The following WDFY1 variants were observed in gnomAD, a reference collection of about 807,000 sequenced individuals.
The protein encoded by WDFY1 is WD repeat and FYVE domain containing 1.
A neutral mutation model predicts 56.4 loss-of-function variants in WDFY1; 32 were observed. That is an observed-to-expected ratio of 0.57 (90% CI 0.43 to 0.76). The LOEUF (loss-of-function observed/expected upper bound fraction) is 0.76. Ranked by LOEUF, WDFY1 falls within the 30% of genes least tolerant of loss-of-function variation. WDFY1 has a pLI of 0.00. For missense variants in WDFY1, 480 were observed against 545.7 expected, an observed-to-expected ratio of 0.88 and a Z score of 1.20; for synonymous variants, 192 against 197.3, an observed-to-expected ratio of 0.97 and a Z score of 0.23.
intron 5 of WDFY1, among the ~76,000 whole-genome samples, chr2:223,899,545 G>A (rs969742137): frequency 1.3e-5 from 2 of 152,192 alleles, no homozygotes; most frequent in African/African-American, 4.8e-5. Flanking sequence ...AGGAGTTCAA[G>A]ACCAACCTGG....
At chr2:223,928,900 A>AG (rs112122194) in intron 1 of WDFY1, among the ~76,000 whole-genome samples, 2,421 of 152,182 alleles carry the variant, frequency 0.016, 67 homozygotes, top group African/African-American at 0.053. Context: ...ATGTTATTGC[A>AG]GGGGGGGTGA....
chr2:223,922,904 G>A (rs1438594138), intron 1 of WDFY1, among the ~76,000 whole-genome samples: 1 of 152,206 alleles, frequency 6.6e-6, no homozygotes, highest in Non-Finnish European at 1.5e-5. Context: ...TTTGAACACA[G>A]TATTACTTCC....
intron 8 of WDFY1, among the ~76,000 whole-genome samples, chr2:223,886,593 A>G (rs1407324168): frequency 1.3e-5 from 2 of 151,780 alleles, no homozygotes; most frequent in East Asian, 3.9e-4. Context: ...GCGTGGTGGC[A>G]CATGCCTATG....
At chr2:223,902,014 C>T (rs1559167318) in intron 4 of WDFY1, among the ~76,000 whole-genome samples, 1 of 152,154 alleles carries the variant, frequency 6.6e-6, no homozygotes, top group African/African-American at 2.4e-5. Context: ...TGTAACCTGC[C>T]TTCAACTTCA....
chr2:223,938,856 A>ATTG (rs1689247597), intron 1 of WDFY1, among the ~76,000 whole-genome samples: 1 of 140,494 alleles, frequency 7.1e-6, no homozygotes, highest in Non-Finnish European at 1.5e-5. Context: ...TGTAAGCAGT[A>ATTG]TTTTTTTTTT....
At chr2:223,910,056 C>T (rs1026492475) in intron 3 of WDFY1, among the ~76,000 whole-genome samples, 2 of 152,186 alleles carry the variant, frequency 1.3e-5, no homozygotes, top group South Asian at 4.1e-4. Context: ...TATAGCCCTG[C>T]ACCATCAAGC....
intron 6 of WDFY1, among the ~76,000 whole-genome samples, chr2:223,897,758 C>T (rs911258020): frequency 3.9e-5 from 6 of 152,036 alleles, no homozygotes; most frequent in African/African-American, 1.4e-4. Context: ...GGATTTCTCA[C>T]GAATGGTTTA....
chr2:223,887,447 C>CTAA (rs1437858216), intron 8 of WDFY1, among the ~76,000 whole-genome samples: 1 of 152,212 alleles, frequency 6.6e-6, no homozygotes, highest in Non-Finnish European at 1.5e-5. Flanking sequence ...TGGAAACAGA[C>CTAA]TAATAGATGA....
chr2:223,928,782 C>CCTGGCCT (rs1218074792), intron 1 of WDFY1, among the ~76,000 whole-genome samples: 3 of 152,104 alleles, frequency 2.0e-5, no homozygotes, highest in Non-Finnish European at 4.4e-5. Context: ...GTACACTCAC[C>CCTGGCCT]CTGGCCTATG....
chr2:223,902,285 G>T (rs1018944337), intron 4 of WDFY1, among the ~76,000 whole-genome samples: 6 of 152,204 alleles, frequency 3.9e-5, no homozygotes, highest in Non-Finnish European at 7.3e-5. Flanking sequence ...AATTCAGCTG[G>T]GCACAGTGGC....
chr2:223,885,986 A>G (rs1693169173), intron 8 of WDFY1, among the ~76,000 whole-genome samples: 2 of 152,204 alleles, frequency 1.3e-5, no homozygotes, highest in African/African-American at 4.8e-5. Flanking sequence ...CCTGTCACAC[A>G]GTAGGTTTTT....
chr2:223,932,623 T>C (rs955578285), intron 1 of WDFY1, among the ~76,000 whole-genome samples: 6 of 152,138 alleles, frequency 3.9e-5, no homozygotes, highest in African/African-American at 7.2e-5. Flanking sequence ...CCTTAAATTC[T>C]AAACTGATAA....
chr2:223,882,276 G>A (rs1693085942), intron 9 of WDFY1, among the ~76,000 whole-genome samples: 1 of 152,084 alleles, frequency 6.6e-6, no homozygotes, highest in African/African-American at 2.4e-5. Context: ...CACCACGCCT[G>A]ACTAATTTTT....
chr2:223,892,616 C>T (rs1363402076), intron 8 of WDFY1, among the ~76,000 whole-genome samples: 3 of 152,132 alleles, frequency 2.0e-5, no homozygotes, highest in African/African-American at 7.2e-5. Flanking sequence ...ATCACTTCTA[C>T]TGGAATATGC....
At chr2:223,913,417 T>C (rs1574771871) in intron 2 of WDFY1, among the ~76,000 whole-genome samples, 2 of 152,168 alleles carry the variant, frequency 1.3e-5, no homozygotes, top group African/African-American at 4.8e-5. Flanking sequence ...CCAAGAACTA[T>C]GTAGTTGGCT....
chr2:223,933,408 A>G (rs1448779112), intron 1 of WDFY1, among the ~76,000 whole-genome samples: 1 of 152,058 alleles, frequency 6.6e-6, no homozygotes, highest in Non-Finnish European at 1.5e-5. Flanking sequence ...GTTAGCATAA[A>G]AATAATTTTT....
intron 4 of WDFY1, among the ~76,000 whole-genome samples, chr2:223,905,617 A>T (rs899105422): frequency 1.1e-4 from 16 of 152,268 alleles, no homozygotes; most frequent in Admixed American, 8.5e-4. Context: ...GTGTATACAC[A>T]TATCAAAAAA....
chr2:223,924,214 G>T (rs10200005), intron 1 of WDFY1, among the ~76,000 whole-genome samples: 93 of 152,272 alleles, frequency 6.1e-4, no homozygotes, highest in African/African-American at 2.1e-3. Flanking sequence ...CATTCCTGTG[G>T]AGGGCTTCTA....
At chr2:223,934,348 C>T (rs1453547058) in intron 1 of WDFY1, among the ~76,000 whole-genome samples, 1 of 151,932 alleles carries the variant, frequency 6.6e-6, no homozygotes. Context: ...ACCTCGGCCC[C>T]GCAAAGTGCT....
Sources: gnomAD v4.1 joint callset for allele counts (sites outside exome capture counted in the v4.1 genomes callset) on GRCh38, gnomAD v4.1.1 for gene constraint, MANE v1.5 for transcripts, NCBI Gene and HGNC (gene_info 2026-07-23, HGNC 2026-07-21) for gene names.